The following SBF2 variants were observed in gnomAD, a reference collection of about 807,000 sequenced individuals.
SBF2 encodes the protein SET binding factor 2.
A neutral mutation model predicts 225.2 loss-of-function variants in SBF2; 112 were observed. The observed-to-expected ratio is 0.50, with a 90% CI of 0.43 to 0.58. SBF2 has a LOEUF of 0.58. Ranked by LOEUF, SBF2 falls within the 20% of genes least tolerant of loss-of-function variation. The probability of loss-of-function intolerance (pLI) is 0.00; values close to 1 mark genes in which losing one functional copy is unlikely to be tolerated. For synonymous variants in SBF2, 763 were observed against 773.3 expected (o/e 0.99, Z 0.22); for missense variants, 1,996 against 2,206.2 (o/e 0.90, Z 1.91).
intron 1 of SBF2, among the ~76,000 whole-genome samples, chr11:10,246,837 G>A (rs148112709): frequency 1.7e-4 from 26 of 152,300 alleles, no homozygotes; most frequent in Non-Finnish European, 2.2e-4. Flanking sequence ...CACTTTGGGA[G>A]GTCGAAGCAG....
intron 2 of SBF2, among the ~76,000 whole-genome samples, chr11:10,043,332 A>G (rs1264191941): frequency 3.9e-5 from 6 of 152,204 alleles, no homozygotes; most frequent in African/African-American, 1.4e-4. Flanking sequence ...CAAAATATGT[A>G]TCATTGAGGG....
chr11:10,281,885 C>T (rs114460019), intron 1 of SBF2, among the ~76,000 whole-genome samples: 25 of 152,264 alleles, frequency 1.6e-4, no homozygotes, highest in African/African-American at 6.0e-4. Flanking sequence ...CAAGTACCCC[C>T]AGACCTCCAG....
chr11:10,039,530 T>C (rs1016196433), intron 3 of SBF2, among the ~76,000 whole-genome samples: 7 of 151,936 alleles, frequency 4.6e-5, no homozygotes, highest in Non-Finnish European at 7.4e-5. Context: ...AAAACTGATA[T>C]GAAGCAGACT....
At chr11:10,039,617 C>G (rs1364653658) in intron 3 of SBF2, among the ~76,000 whole-genome samples, 4 of 151,862 alleles carry the variant, frequency 2.6e-5, no homozygotes, top group Non-Finnish European at 5.9e-5. Flanking sequence ...AGGAAAATAT[C>G]TAAGCTAAAA....
chr11:9,993,030 A>G lies in SBF2; in HGVS notation c.1127T>C (p.Leu376Pro). ...LFQGYRSCLQ[L>P]IRIHAEPVIH... ...TACTGGCTCTGCATGAATTCTTATAAGTTGCAGGCAGGATCTATATCCTTG... is the reference window on the plus strand; with the variant it reads ...TACTGGCTCTGCATGAATTCTTATAGGTTGCAGGCAGGATCTATATCCTTG... The change falls in exon 11 of 40, where the codon CTT (leucine) becomes CCT (proline). Residue 376 changes from leucine (L) to proline (P), a missense_variant. Coordinates refer to ENST00000256190, the MANE Select transcript of SBF2 (RefSeq NM_030962.4). The G allele has an allele frequency of 6.2e-7, 1 of 1,612,628 alleles. No homozygotes were observed. The highest frequency in any genetic ancestry group is 8.5e-7 in the Non-Finnish European group (1 of 1,179,540).
chr11:9,784,099 A>G (rs1268251556), intron 38 of SBF2, among the ~76,000 whole-genome samples: 4 of 152,172 alleles, frequency 2.6e-5, no homozygotes, highest in African/African-American at 7.2e-5. Context: ...CTATTGCTCT[A>G]TGCTCTGGGC....
At chr11:10,218,119 C>G (rs983145162) in intron 1 of SBF2, among the ~76,000 whole-genome samples, 4 of 152,202 alleles carry the variant, frequency 2.6e-5, no homozygotes, top group Admixed American at 2.0e-4. Flanking sequence ...AGGCTAGTCT[C>G]GAACTACTGA....
At chr11:10,241,776 A>T (rs1472066289) in intron 1 of SBF2, among the ~76,000 whole-genome samples, 1 of 152,122 alleles carries the variant, frequency 6.6e-6, no homozygotes, top group Non-Finnish European at 1.5e-5. Flanking sequence ...AGGTTCCAAA[A>T]TTCATTTCTC....
intron 16 of SBF2, among the ~76,000 whole-genome samples, chr11:9,920,204 G>GTATATA (rs1554954741): frequency 8.7e-6 from 1 of 115,228 alleles, no homozygotes; most frequent in Non-Finnish European, 2.1e-5. Context: ...GTGTGTGTGT[G>GTATATA]TATATATATA....
At chr11:9,976,869 C>T (rs1216778998) in intron 13 of SBF2, among the ~76,000 whole-genome samples, 9 of 151,602 alleles carry the variant, frequency 5.9e-5, no homozygotes, top group Non-Finnish European at 1.0e-4. Flanking sequence ...CCCGGGTTCA[C>T]GCCATTCTCC....
intron 2 of SBF2, 130 bp downstream of exon 2, chr11:10,193,750 ACTAGGAGGGAAGATAACTATTT>A: frequency 1.5e-6 from 1 of 675,366 alleles, no homozygotes; most frequent in South Asian, 1.7e-5. Context: ...TACTTGAGGG[ACTAGGAGGGAAGATAACTATTT>A]CTAGTACTGT....
At chr11:9,887,812 T>A (rs538688299) in intron 17 of SBF2, among the ~76,000 whole-genome samples, 109 of 150,612 alleles carry the variant, frequency 7.2e-4, no homozygotes, top group African/African-American at 2.6e-3. Context: ...TCCCCTATCT[T>A]TTTTTTTTGT....
intron 30 of SBF2, among the ~76,000 whole-genome samples, chr11:9,812,049 C>A (rs1403108331): frequency 1.3e-5 from 2 of 151,270 alleles, no homozygotes; most frequent in Non-Finnish European, 2.9e-5. Flanking sequence ...TTTTTTCAAG[C>A]CTTAGGTAGG....
intron 1 of SBF2, among the ~76,000 whole-genome samples, chr11:10,195,692 A>G (rs1221587140): frequency 6.6e-6 from 1 of 152,228 alleles, no homozygotes; most frequent in Admixed American, 6.5e-5. Context: ...TAAAATATAA[A>G]TGGAAAGTGA....
intron 1 of SBF2, among the ~76,000 whole-genome samples, chr11:10,260,906 G>C (rs1961365626): frequency 6.7e-6 from 1 of 148,868 alleles, no homozygotes; most frequent in African/African-American, 2.5e-5. Context: ...GGGGAGGGAG[G>C]GAGGGAGAGA....
At chr11:9,969,327 C>T (rs1867174038) in intron 13 of SBF2, among the ~76,000 whole-genome samples, 1 of 152,214 alleles carries the variant, frequency 6.6e-6, no homozygotes, top group Non-Finnish European at 1.5e-5. Context: ...CTGCTTCCAC[C>T]TGTACTCCTT....
chr11:10,101,454 A>G (rs1952297299), intron 2 of SBF2, among the ~76,000 whole-genome samples: 1 of 152,184 alleles, frequency 6.6e-6, no homozygotes, highest in Non-Finnish European at 1.5e-5. Context: ...TCTTTTGCCA[A>G]TAGTTCCATA....
In SBF2 at chr11:10,090,764, C is replaced by CAAAAAAAAA. The variant is rs201577494; in HGVS notation, c.142-47792_142-47784dup. Among the ~76,000 whole-genome samples, 136 of 44,376 alleles carry CAAAAAAAAA rather than the reference C, an allele frequency of 3.1e-3. 12 individuals are homozygous for CAAAAAAAAA. The highest frequency in any genetic ancestry group is 3.6e-3 in the Non-Finnish European group (82 of 22,808). The allele number at this position is 44,376 out of a possible 152,430, so 29.1% of individuals were successfully genotyped here. On this transcript the variant is annotated intron_variant, in intron 2 of 39. Coordinates refer to ENST00000256190, the MANE Select transcript of SBF2 (RefSeq NM_030962.4). ...TGGGAGTCAGAGCAAGATTCCATCT[C>CAAAAAAAAA]AAAAAAAAAAAAAAAAAAAAAGCTA...
At chr11:10,135,214 G>A (rs991264031) in intron 2 of SBF2, among the ~76,000 whole-genome samples, 3 of 152,210 alleles carry the variant, frequency 2.0e-5, no homozygotes, top group Non-Finnish European at 2.9e-5. Flanking sequence ...GCAGCTAGGA[G>A]GCAGGGCACC....
Sources: gnomAD v4.1 joint callset for allele counts (sites outside exome capture counted in the v4.1 genomes callset) on GRCh38, gnomAD v4.1.1 for gene constraint, MANE v1.5 for transcripts, NCBI Gene and HGNC (gene_info 2026-07-23, HGNC 2026-07-21) for gene names.